The following RHOH variants were observed in gnomAD, a reference collection of about 807,000 sequenced individuals.
RHOH encodes the protein rho-related GTP-binding protein RhoH.
Under a neutral mutation model 13.8 loss-of-function variants are expected in RHOH, and 6 were observed. That is an observed-to-expected ratio of 0.44 (90% CI 0.24 to 0.86). The LOEUF is 0.86. RHOH is among the 40% of genes least tolerant of loss of function. RHOH has a pLI of 0.24. For synonymous variants in RHOH, 117 were observed against 103.0 expected (o/e 1.14, Z -0.82); for missense variants, 147 against 244.5 (o/e 0.60, Z 2.66).
At chr4:40,213,108 G>A (rs181790964) in intron 1 of RHOH, among the ~76,000 whole-genome samples, 20 of 152,254 alleles carry the variant, frequency 1.3e-4, no homozygotes, top group Admixed American at 1.3e-3. Context: ...CTCATGGTTG[G>A]GAAGACACTA....
intron 1 of RHOH, among the ~76,000 whole-genome samples, chr4:40,197,870 A>C (rs1723410398): frequency 6.6e-6 from 1 of 152,306 alleles, no homozygotes; most frequent in South Asian, 2.1e-4. Flanking sequence ...GAGATATGCT[A>C]CGAGGTACCA....
chr4:40,236,207 A>G (rs1728555191), intron 1 of RHOH, among the ~76,000 whole-genome samples: 1 of 152,088 alleles, frequency 6.6e-6, no homozygotes, highest in Non-Finnish European at 1.5e-5. Context: ...AAGATTGCCA[A>G]CCTCTTGAAG....
At chr4:40,226,128 T>TA (rs549191648) in intron 1 of RHOH, among the ~76,000 whole-genome samples, 13 of 149,936 alleles carry the variant, frequency 8.7e-5, no homozygotes, top group Admixed American at 4.6e-4. Flanking sequence ...TCAGTTGCCT[T>TA]AAAAAAAAAA....
At chr4:40,236,303 A>G (rs563344827) in intron 1 of RHOH, among the ~76,000 whole-genome samples, 33 of 152,350 alleles carry the variant, frequency 2.2e-4, no homozygotes, top group African/African-American at 7.5e-4. Flanking sequence ...AGTGCCTGCC[A>G]TACAGGACAC....
chr4:40,193,908 T>C (rs1019902666), upstream of RHOH: 1 of 152,172 alleles, frequency 6.6e-6, no homozygotes, highest in East Asian at 1.9e-4. Flanking sequence ...GTGCAGAAAA[T>C]GGTACAAGGC....
At chr4:40,210,301 A>G (rs1335995768) in intron 1 of RHOH, among the ~76,000 whole-genome samples, 1 of 152,248 alleles carries the variant, frequency 6.6e-6, no homozygotes, top group Non-Finnish European at 1.5e-5. Context: ...TTCTCCACGT[A>G]ACAGGAATTC....
intron 1 of RHOH, among the ~76,000 whole-genome samples, chr4:40,213,529 T>TA (rs1282237057): frequency 1.3e-5 from 2 of 151,878 alleles, no homozygotes; most frequent in Non-Finnish European, 2.9e-5. Flanking sequence ...AAAAATTCTC[T>TA]AAAAAAAATC....
In RHOH at chr4:40,242,710, GCAGTTTCCAACATGGC is replaced by G. The variant is rs1729397140; in HGVS notation, c.-330-3_-318del. 1 of 152,150 alleles carries G rather than the reference GCAGTTTCCAACATGGC, an allele frequency of 6.6e-6. No homozygotes were observed. The highest frequency in any genetic ancestry group is 6.6e-5 in the Admixed American group (1 of 15,266). The allele number at this position is 152,150 out of a possible 1,614,324, so 9.4% of individuals were successfully genotyped here. ...GTCGCTCATAACGTTCTTGTTTCTT[GCAGTTTCCAACATGGC>G]TAGATCCATCAGAAACTGAAGCCGT... On this transcript the variant is annotated splice_acceptor_variant and splice_polypyrimidine_tract_variant and 5_prime_UTR_variant and intron_variant, in exon 2 of 3. Coordinates refer to ENST00000381799, the MANE Select transcript of RHOH (RefSeq NM_004310.5). LOFTEE classifies it low-confidence loss of function (5UTR_SPLICE).
intron 1 of RHOH, among the ~76,000 whole-genome samples, chr4:40,205,475 T>G (rs1219205588): frequency 6.6e-6 from 1 of 152,226 alleles, no homozygotes; most frequent in East Asian, 1.9e-4. Context: ...GAACATCTGG[T>G]TGGGCTTTGA....
chr4:40,198,184 TG>T (rs1414321329), intron 1 of RHOH, among the ~76,000 whole-genome samples: 1 of 152,068 alleles, frequency 6.6e-6, no homozygotes, highest in Non-Finnish European at 1.5e-5. Flanking sequence ...GGAGGGGGCC[TG>T]GGGGCAAACT....
At chr4:40,214,749 A>C (rs543341850) in intron 1 of RHOH, among the ~76,000 whole-genome samples, 1 of 152,302 alleles carries the variant, frequency 6.6e-6, no homozygotes, top group East Asian at 1.9e-4. Flanking sequence ...GGACTTCCCC[A>C]GTTTTGATCC....
chr4:40,197,931 A>C (rs2890726), intron 1 of RHOH, among the ~76,000 whole-genome samples: 31,215 of 152,148 alleles, frequency 0.21, 3,375 homozygotes, highest in Admixed American at 0.26. Context: ...CACCGGTTTT[A>C]GGTGCTTTAC....
intron 1 of RHOH, among the ~76,000 whole-genome samples, chr4:40,236,353 A>G (rs1389273884): frequency 2.0e-5 from 3 of 152,252 alleles, no homozygotes; most frequent in Non-Finnish European, 4.4e-5. Context: ...GAATAAAACA[A>G]TTAATAAATA....
At chr4:40,231,683 G>T (rs1727965174) in intron 1 of RHOH, among the ~76,000 whole-genome samples, 1 of 152,178 alleles carries the variant, frequency 6.6e-6, no homozygotes. Flanking sequence ...TGTTGCTGGG[G>T]CTTCTCTCCC....
chr4:40,244,252 G>A lies in RHOH; in HGVS notation c.*290G>A. 3.1e-6 allele frequency: 1 copy of A among 323,776 alleles called. No individual in the cohort carries two copies. Among genetic ancestry groups the A allele is most frequent in the Non-Finnish European group, 5.9e-6 (1 of 169,126 alleles). The allele number at this position is 323,776 out of a possible 1,614,324, so 20.1% of individuals were successfully genotyped here. On this transcript the variant is annotated 3_prime_UTR_variant, in exon 3 of 3. Coordinates refer to ENST00000381799, the MANE Select transcript of RHOH (RefSeq NM_004310.5). The stretch of plus-strand genomic sequence containing the variant: ...TCTCCATAATTTTGGACGATGAAGT[G>A]AGTTTTTCAAAGAATTCCATATTTA...
At chr4:40,216,060 C>T (rs2109425847) in intron 1 of RHOH, among the ~76,000 whole-genome samples, 1 of 152,084 alleles carries the variant, frequency 6.6e-6, no homozygotes, top group Non-Finnish European at 1.5e-5. Flanking sequence ...TTTTCATCGC[C>T]ATTTCTTTCA....
At chr4:40,198,478 C>T (rs1216507674) in intron 1 of RHOH, among the ~76,000 whole-genome samples, 1 of 152,202 alleles carries the variant, frequency 6.6e-6, no homozygotes, top group Non-Finnish European at 1.5e-5. Context: ...TCTCCTTCTG[C>T]CCTGCGGCTG....
chr4:40,231,318 A>ATTTTTTTTTTGTTTTT (rs1727910246), intron 1 of RHOH, among the ~76,000 whole-genome samples: 1 of 127,760 alleles, frequency 7.8e-6, no homozygotes, highest in Non-Finnish European at 1.6e-5. Context: ...TTCTTAGGTG[A>ATTTTTTTTTTGTTTTT]TTTTTTTTTT....
At chr4:40,197,993 C>A (rs1169872282) in intron 1 of RHOH, among the ~76,000 whole-genome samples, 1 of 152,116 alleles carries the variant, frequency 6.6e-6, no homozygotes, top group African/African-American at 2.4e-5. Context: ...TAGTTGGTGT[C>A]CCCTTATTGG....
Sources: allele counts gnomAD v4.1 joint callset (sites outside exome capture counted in the v4.1 genomes callset), GRCh38; gene constraint gnomAD v4.1.1; transcripts MANE v1.5; gene names NCBI Gene and HGNC (gene_info 2026-07-23, HGNC 2026-07-21).